Variants in LRRC7 observed in about 807,000 individuals in gnomAD.
LRRC7 encodes leucine-rich repeat-containing protein 7.
LRRC7 carries 23 observed loss-of-function variants against 175.7 expected under a neutral mutation model. The observed-to-expected ratio is 0.13, with a 90% CI of 0.09 to 0.19. LRRC7 has a LOEUF of 0.19. Ranked by LOEUF, LRRC7 falls within the 10% of genes least tolerant of loss-of-function variation. The pLI, the probability that LRRC7 is intolerant of heterozygous loss-of-function variation, is 1.00. For synonymous variants in LRRC7, 685 were observed against 680.9 expected, an observed-to-expected ratio of 1.01 and a Z score of -0.09; for missense variants, 1,354 against 1,904.7, an observed-to-expected ratio of 0.71 and a Z score of 5.38.
chr1:69,961,955 A>AAAAATTG (rs1297765747), intron 8 of LRRC7, among the ~76,000 whole-genome samples: 1 of 152,186 alleles, frequency 6.6e-6, no homozygotes, highest in East Asian at 1.9e-4. Flanking sequence ...AAGATGCCAC[A>AAAAATTG]ACCAGTTGCA....
chr1:69,716,128 C>CT (rs34247555), intron 2 of LRRC7: 109 of 412,050 alleles, frequency 2.6e-4, no homozygotes, highest in South Asian at 1.2e-3. Context: ...TTTAAATTTT[C>CT]TTTTTTTTTA....
chr1:69,955,558 CTTCAAG>C (rs1157249146), intron 8 of LRRC7, among the ~76,000 whole-genome samples: 1 of 151,756 alleles, frequency 6.6e-6, no homozygotes, highest in Non-Finnish European at 1.5e-5. Flanking sequence ...CTCTTCGGGA[CTTCAAG>C]TTTATAAATA....
At chr1:69,971,433 AG>A (rs1471889864) in intron 8 of LRRC7, among the ~76,000 whole-genome samples, 1 of 152,228 alleles carries the variant, frequency 6.6e-6, no homozygotes. Context: ...GTTTCCAGAT[AG>A]AAAATTAATG....
chr1:69,635,181 G>A lies in LRRC7; in HGVS notation c.3-43200G>A, dbSNP rs542358391. On this transcript the variant is annotated intron_variant, in intron 1 of 26. Coordinates refer to ENST00000651989, the MANE Select transcript of LRRC7 (RefSeq NM_001370785.2). ...TTATAAATGAGAACATGCAGTGTTT[G>A]GTTTTCTGTTCCTGTGTTCATTTGC... 7.9e-5 allele frequency among the ~76,000 whole-genome samples: 12 copies of A among 152,054 alleles called. No individual in the cohort carries two copies. The South Asian group carries it at 2.5e-3, about 32-fold the overall frequency.
chr1:69,709,835 G>A (rs1043748962), intron 2 of LRRC7, among the ~76,000 whole-genome samples: 2 of 152,238 alleles, frequency 1.3e-5, no homozygotes, highest in Admixed American at 6.5e-5. Flanking sequence ...GCAACTATGT[G>A]TGTGGATATA....
chr1:69,881,695 A>T (rs1273876722), intron 7 of LRRC7, among the ~76,000 whole-genome samples: 1 of 147,864 alleles, frequency 6.8e-6, no homozygotes, highest in Non-Finnish European at 1.5e-5. Context: ...TGGGCAACAT[A>T]GTAAGATCCC....
intron 1 of LRRC7, among the ~76,000 whole-genome samples, chr1:69,672,220 C>A (rs968859084): frequency 6.6e-6 from 1 of 151,910 alleles, no homozygotes; most frequent in African/African-American, 2.4e-5. Context: ...CCTATTTGGC[C>A]ATCTTCCTCT....
intron 15 of LRRC7, among the ~76,000 whole-genome samples, chr1:70,020,582 C>T (rs745473549): frequency 1.6e-4 from 24 of 152,068 alleles, no homozygotes; most frequent in South Asian, 6.2e-4. Flanking sequence ...GCACTAGCCA[C>T]TGAGAAGTCT....
intron 11 of LRRC7, among the ~76,000 whole-genome samples, chr1:70,000,268 A>C (rs1325281851): frequency 6.6e-6 from 1 of 152,198 alleles, no homozygotes; most frequent in East Asian, 1.9e-4. Flanking sequence ...TAAGATTATA[A>C]TACTGTATTT....
chr1:69,591,541 C>G (rs1002929696), intron 1 of LRRC7, among the ~76,000 whole-genome samples: 1 of 151,960 alleles, frequency 6.6e-6, no homozygotes. Flanking sequence ...CGATAGCTTC[C>G]GTGATGGATT....
At chr1:69,808,439 C>G (rs1677400693) in intron 4 of LRRC7, among the ~76,000 whole-genome samples, 1 of 151,960 alleles carries the variant, frequency 6.6e-6, no homozygotes, top group Non-Finnish European at 1.5e-5. Flanking sequence ...AACTCTCCAC[C>G]CCAAATCAAC....
chr1:69,882,024 AAG>A (rs1686665148), intron 7 of LRRC7, among the ~76,000 whole-genome samples: 3 of 151,012 alleles, frequency 2.0e-5, no homozygotes, highest in African/African-American at 7.3e-5. Context: ...AAAAAAAAAA[AAG>A]CAAACAAAAA....
intron 2 of LRRC7, among the ~76,000 whole-genome samples, chr1:69,745,994 C>T (rs1037754206): frequency 8.6e-5 from 13 of 151,510 alleles, no homozygotes; most frequent in African/African-American, 2.7e-4. Context: ...TCTTTCAGTA[C>T]TCTTATTTTT....
chr1:69,632,828 C>T (rs1434634379), intron 1 of LRRC7, among the ~76,000 whole-genome samples: 1 of 151,982 alleles, frequency 6.6e-6, no homozygotes. Context: ...TACCATTTTG[C>T]TAAGTAGTTT....
intron 7 of LRRC7, among the ~76,000 whole-genome samples, chr1:69,841,186 A>G (rs1320767597): frequency 1.3e-5 from 2 of 151,902 alleles, no homozygotes; most frequent in Admixed American, 6.6e-5. Flanking sequence ...ATAGACTGGA[A>G]GCTTTCCATT....
intron 1 of LRRC7, among the ~76,000 whole-genome samples, chr1:69,617,933 AC>A (rs1271978056): frequency 1.3e-5 from 2 of 152,102 alleles, no homozygotes; most frequent in African/African-American, 2.4e-5. Context: ...ATGACAATAA[AC>A]AGCGTTGGGG....
chr1:69,630,453 C>T (rs946324733), intron 1 of LRRC7, among the ~76,000 whole-genome samples: 1 of 152,104 alleles, frequency 6.6e-6, no homozygotes, highest in Non-Finnish European at 1.5e-5. Context: ...GTAATGATTG[C>T]CAGCCCATCT....
At chr1:69,867,925 T>G (rs1406679429) in intron 7 of LRRC7, among the ~76,000 whole-genome samples, 3 of 152,058 alleles carry the variant, frequency 2.0e-5, no homozygotes, top group Non-Finnish European at 2.9e-5. Flanking sequence ...TCCATAAAAT[T>G]AAATTAAGTA....
chr1:69,822,996 A>C (rs923875556), intron 4 of LRRC7, among the ~76,000 whole-genome samples: 1 of 152,232 alleles, frequency 6.6e-6, no homozygotes, highest in Non-Finnish European at 1.5e-5. Context: ...ATAGGATTTT[A>C]GTTGAAAATC....
Sources: gnomAD v4.1 joint callset for allele counts (sites outside exome capture counted in the v4.1 genomes callset) on GRCh38, gnomAD v4.1.1 for gene constraint, MANE v1.5 for transcripts, NCBI Gene and HGNC (gene_info 2026-07-23, HGNC 2026-07-21) for gene names.